Variants in TRAK1 observed in about 807,000 individuals in gnomAD.
TRAK1 encodes the protein trafficking kinesin-binding protein 1.
A neutral mutation model predicts 92.1 loss-of-function variants in TRAK1; 33 were observed. That is an observed-to-expected ratio of 0.36 (90% confidence interval 0.27 to 0.48). The LOEUF (loss-of-function observed/expected upper bound fraction) is 0.48. Among genes scored for constraint, TRAK1 ranks in the 20% least tolerant of loss-of-function variants. The probability of loss-of-function intolerance (pLI) is 0.99; values close to 1 mark genes in which losing one functional copy is unlikely to be tolerated. For synonymous variants in TRAK1, 521 were observed against 517.3 expected, an observed-to-expected ratio of 1.01 and a Z score of -0.10; for missense variants, 1,123 against 1,257.9, an observed-to-expected ratio of 0.89 and a Z score of 1.62.
At chr3:42,124,601 G>A (rs182242910) in intron 1 of TRAK1, among the ~76,000 whole-genome samples, 1 of 152,350 alleles carries the variant, frequency 6.6e-6, no homozygotes, top group Non-Finnish European at 1.5e-5. Flanking sequence ...CCTGGGCCAA[G>A]AGCTATGGGG....
Position 42,199,167 on chromosome 3 carries a change from C to T in TRAK1, c.1114-10C>T. The T allele has an allele frequency of 6.2e-7, 1 of 1,613,220 alleles. No homozygotes were observed. The highest frequency in any genetic ancestry group is 2.2e-5 in the East Asian group (1 of 44,880). ...GCTCACTTGACATTTGTCTTTCTGG[C>T]TTTTCCCAGGATTCCTTGGCAGCAG... On this transcript the variant is annotated splice_polypyrimidine_tract_variant and intron_variant, in intron 10 of 15. Coordinates refer to ENST00000327628, the MANE Select transcript of TRAK1 (RefSeq NM_001042646.3).
At chr3:42,118,102 TA>T (rs1490119369) in intron 1 of TRAK1, among the ~76,000 whole-genome samples, 5 of 151,750 alleles carry the variant, frequency 3.3e-5, no homozygotes, top group African/African-American at 1.2e-4. Flanking sequence ...TTATTGTTTT[TA>T]GAGGGAGTTT....
intron 1 of TRAK1, among the ~76,000 whole-genome samples, chr3:42,053,532 G>A (rs1190983733): frequency 1.3e-5 from 2 of 151,954 alleles, no homozygotes; most frequent in African/African-American, 4.8e-5. Context: ...CTTTCCTCCT[G>A]GACCCTGGTG....
rs1708141048 is a variant in TRAK1, at chr3:42,204,828, C to T, written c.1744+2076C>T. 2.0e-5 allele frequency among the ~76,000 whole-genome samples: 3 copies of T among 152,174 alleles called. No homozygotes were observed. In the South Asian group the frequency reaches 6.2e-4, roughly 32 times the overall value. ...AACCATTGCCCTCAAGTTACCCTTC[C>T]ACCTCAGCCTCCCAAAGTGTTAGGA... On this transcript the variant is annotated intron_variant, in intron 13 of 15. Transcript: ENST00000327628.
At chr3:42,181,871 C>T (rs1418721777) in intron 3 of TRAK1, among the ~76,000 whole-genome samples, 1 of 151,950 alleles carries the variant, frequency 6.6e-6, no homozygotes, top group African/African-American at 2.4e-5. Flanking sequence ...CTCCCTCACA[C>T]AGTTCTTTGA....
intron 2 of TRAK1, among the ~76,000 whole-genome samples, chr3:42,167,080 T>C (rs1212364251): frequency 1.3e-5 from 2 of 152,258 alleles, no homozygotes; most frequent in Non-Finnish European, 1.5e-5. Flanking sequence ...AGACTGCTAC[T>C]GCTCCTCCCA....
At chr3:42,174,245 A>G (rs1702914162) in intron 2 of TRAK1, among the ~76,000 whole-genome samples, 1 of 152,122 alleles carries the variant, frequency 6.6e-6, no homozygotes. Context: ...AATTTTTAAA[A>G]TATTTTAAAG....
intron 13 of TRAK1, among the ~76,000 whole-genome samples, chr3:42,206,585 G>A (rs538368611): frequency 5.4e-4 from 82 of 152,320 alleles, no homozygotes; most frequent in African/African-American, 1.9e-3. Flanking sequence ...AGACAGCAGG[G>A]ATAACGTGAA....
upstream of TRAK1, among the ~76,000 whole-genome samples, chr3:42,087,721 G>A (rs1168904387): frequency 6.6e-6 from 1 of 152,218 alleles, no homozygotes; most frequent in Non-Finnish European, 1.5e-5. Flanking sequence ...CAGGCACTCA[G>A]TGTATTGAAC....
intron 1 of TRAK1, among the ~76,000 whole-genome samples, chr3:42,063,631 A>G (rs1703546044): frequency 6.6e-6 from 1 of 150,960 alleles, no homozygotes; most frequent in Non-Finnish European, 1.5e-5. Context: ...GGTTGCAGTG[A>G]GCTGAGATTG....
intron 9 of TRAK1, among the ~76,000 whole-genome samples, chr3:42,194,247 CTCTT>C (rs1706260401): frequency 6.6e-6 from 1 of 152,066 alleles, no homozygotes. Context: ...TTTTCTTTCT[CTCTT>C]TTTCTCTTTT....
chr3:42,156,431 T>C (rs932971573), intron 2 of TRAK1, among the ~76,000 whole-genome samples: 6 of 152,216 alleles, frequency 3.9e-5, no homozygotes, highest in Admixed American at 3.9e-4. Flanking sequence ...CAAAATTTCA[T>C]GTCTTACACA....
intron 1 of TRAK1, among the ~76,000 whole-genome samples, chr3:42,072,258 G>C (rs1325819391): frequency 6.6e-6 from 1 of 152,090 alleles, no homozygotes; most frequent in African/African-American, 2.4e-5. Context: ...GTCTCTCTCG[G>C]GAGTCGCCAG....
At chr3:42,159,581 T>C (rs1242277183) in intron 2 of TRAK1, among the ~76,000 whole-genome samples, 1 of 152,178 alleles carries the variant, frequency 6.6e-6, no homozygotes, top group Admixed American at 6.5e-5. Flanking sequence ...ATTAGAGAGA[T>C]CTTTATAAAT....
chr3:42,044,947 A>T (rs1449698601), intron 1 of TRAK1, among the ~76,000 whole-genome samples: 1 of 152,036 alleles, frequency 6.6e-6, no homozygotes, highest in African/African-American at 2.4e-5. Context: ...TTGCCAGCTG[A>T]TGCTTGTGTG....
rs139748722 is a variant in TRAK1 at position 42,202,559 on chromosome 3, G to C, written c.1551G>C (p.Glu517Asp). 6.3e-7 allele frequency: 1 copy of C among 1,580,478 alleles called. No homozygotes were observed. The highest frequency in any genetic ancestry group is 8.6e-7 in the Non-Finnish European group (1 of 1,156,606). Residue 517 changes from glutamate (E) to aspartate (D), a missense_variant, in exon 13 of 16, where the codon GAG (glutamate) becomes GAC (aspartate). Transcript: ENST00000327628. The surrounding 1 kb of genome is among the most constrained non-coding windows in gnomAD (Gnocchi z 6.1). ...ENYLSERRFFEEEQERKLQEL... is the reference protein window; with the variant it reads ...ENYLSERRFFDEEQERKLQEL... The stretch of plus-strand genomic sequence containing the variant: ...ACCTCTCGGAGAGGAGGTTCTTTGA[G>C]GAGGAGCAAGAGAGGAAGCTCCAGG...
Position 42,048,889 on chromosome 3 carries a change from C to T in TRAK1, c.-519+34772C>T, listed in dbSNP as rs145264853. 5.6e-3 allele frequency among the ~76,000 whole-genome samples: 846 copies of T among 152,134 alleles called. 8 individuals carry two copies. The highest frequency in any genetic ancestry group is 0.02 in the African/African-American group (817 of 41,506). ...CTGCCTCTGTCATTCTAAATAATAT[C>T]CTTGTACATGGGACATTATTATTTT... On this transcript the variant is annotated intron_variant, in intron 1 of 16. Coordinates refer to the TRAK1 transcript ENST00000487159.
chr3:42,198,461 G>A (rs1707062593), intron 10 of TRAK1, among the ~76,000 whole-genome samples: 7 of 152,176 alleles, frequency 4.6e-5, no homozygotes, highest in Admixed American at 1.3e-4. Flanking sequence ...CATTTCCTGG[G>A]CAGGTTGTTT....
intron 1 of TRAK1, among the ~76,000 whole-genome samples, chr3:42,042,992 T>C (rs552114976): frequency 4.1e-4 from 63 of 152,308 alleles, no homozygotes; most frequent in African/African-American, 1.4e-3. Flanking sequence ...CAAAGGACGT[T>C]GGCCTCCTTT....
Sources: gnomAD v4.1 joint callset for allele counts (sites outside exome capture counted in the v4.1 genomes callset) on GRCh38, gnomAD v4.1.1 for gene constraint, Gnocchi (gnomAD v3.1) non-coding constraint, MANE v1.5 for transcripts, NCBI Gene and HGNC (gene_info 2026-07-23, HGNC 2026-07-21) for gene names.